Variants in GORASP2 observed in about 807,000 individuals in gnomAD.
GORASP2 encodes golgi reassembly stacking protein 2.
A neutral mutation model predicts 45.7 loss-of-function variants in GORASP2; 22 were observed. The observed-to-expected ratio is 0.48, with a 90% CI of 0.34 to 0.69. The LOEUF (loss-of-function observed/expected upper bound fraction) is 0.69, where lower values mean the gene tolerates loss of function less well. Among genes scored for constraint, GORASP2 ranks in the 30% least tolerant of loss-of-function variants. The pLI is 0.01. For synonymous variants in GORASP2, 221 were observed against 215.6 expected (o/e 1.02, Z -0.22); for missense variants, 491 against 562.7 (o/e 0.87, Z 1.29).
At chr2:170,930,816 C>G (rs1703805117) in intron 1 of GORASP2, among the ~76,000 whole-genome samples, 1 of 152,100 alleles carries the variant, frequency 6.6e-6, no homozygotes, top group Non-Finnish European at 1.5e-5. Flanking sequence ...TTTCTATTAT[C>G]TGGTCTGATT....
At chr2:170,929,229 C>G (rs1302483039), upstream of GORASP2, 1 of 815,896 alleles carries the variant, frequency 1.2e-6, no homozygotes, top group Non-Finnish European at 1.7e-6. Context: ...CCCGGCTCTC[C>G]GGCGGCAGCG....
chr2:170,934,461 T>A (rs1703898591), intron 1 of GORASP2, among the ~76,000 whole-genome samples: 1 of 151,962 alleles, frequency 6.6e-6, no homozygotes, highest in Non-Finnish European at 1.5e-5. Flanking sequence ...GGTTTCACCA[T>A]GTTGGCCAGG....
chr2:170,939,863 C>T (rs1704033257), intron 1 of GORASP2, among the ~76,000 whole-genome samples: 1 of 152,178 alleles, frequency 6.6e-6, no homozygotes, highest in Non-Finnish European at 1.5e-5. Flanking sequence ...TCATTTTGAT[C>T]ACCTACGCAC....
At chr2:170,953,904 A>G (rs1704361086) in intron 5 of GORASP2, 2 of 152,258 alleles carry the variant, frequency 1.3e-5, no homozygotes, top group South Asian at 2.1e-4. Flanking sequence ...GGCTTTGACC[A>G]TGAGCCATTC....
At chr2:170,956,635 A>G in intron 7 of GORASP2, 76 bp downstream of exon 7, 2 of 1,297,830 alleles carry the variant, frequency 1.5e-6, no homozygotes, top group East Asian at 2.4e-5. Context: ...AATTGACCAG[A>G]CACAGTGGCT....
At chr2:170,935,398 G>A (rs959364022) in intron 1 of GORASP2, among the ~76,000 whole-genome samples, 13 of 151,856 alleles carry the variant, frequency 8.6e-5, no homozygotes, top group African/African-American at 3.1e-4. Flanking sequence ...GGGATTATAG[G>A]CACCCACCAC....
At chr2:170,929,476 A>G (rs1703760069) in intron 1 of GORASP2, 73 bp downstream of exon 1, 4 of 1,147,302 alleles carry the variant, frequency 3.5e-6, no homozygotes, top group South Asian at 2.2e-5. Flanking sequence ...GGAGGCCCCC[A>G]TGGGCTCCTT....
chr2:170,929,835 C>A (rs1307539854), intron 1 of GORASP2: 1 of 463,794 alleles, frequency 2.2e-6, no homozygotes, highest in Admixed American at 2.4e-5. Flanking sequence ...TCCGGACCCG[C>A]AGTCCGGAGG....
At position 170,962,913 on chromosome 2, in the gene GORASP2, C is replaced by T; in HGVS notation, c.985C>T (p.Pro329Ser). 6.2e-7 allele frequency: 1 copy of T among 1,613,920 alleles called. No individual in the cohort carries two copies. The highest frequency in any genetic ancestry group is 1.1e-5 in the South Asian group (1 of 91,074). ...NLNLPAPHIM[P>S]GVGLPELVNP... ...CAACCTCCCAGCACCACACATCATG[C>T]CAGGGGTTGGCTTACCAGAACTTGT... is the stretch of plus-strand genomic sequence containing the variant. Residue 329 changes from proline to serine, a missense_variant, in exon 9 of 10, where the codon CCA becomes TCA. Physicochemically the swap from Pro to Ser is moderately conservative, Grantham distance 74. Around this residue, in one of 2 missense-constraint regions of GORASP2, gnomAD observed 297 missense variants for 292.3 expected, o/e 1.02. Coordinates refer to ENST00000234160, the MANE Select transcript of GORASP2 (RefSeq NM_015530.5).
chr2:170,935,196 A>G (rs1015957443), intron 1 of GORASP2, among the ~76,000 whole-genome samples: 1 of 152,226 alleles, frequency 6.6e-6, no homozygotes, highest in Non-Finnish European at 1.5e-5. Context: ...ATCATTGAAC[A>G]TAAACTTTTT....
At chr2:170,948,500 C>A in intron 2 of GORASP2, 70 bp downstream of exon 2, 1 of 782,428 alleles carries the variant, frequency 1.3e-6, no homozygotes, top group Non-Finnish European at 2.2e-6. Flanking sequence ...TTTCAGATGA[C>A]CTGAGATGGG....
At chr2:170,963,470 T>TCCCCCC (rs1251788180) in intron 9 of GORASP2, among the ~76,000 whole-genome samples, 110 of 66,492 alleles carry the variant, frequency 1.7e-3, no homozygotes, top group African/African-American at 6.5e-3. Flanking sequence ...CTCCTCCTCC[T>TCCCCCC]CCCCCTCCTC....
chr2:170,934,344 G>A (rs1398155901), intron 1 of GORASP2, among the ~76,000 whole-genome samples: 1 of 150,898 alleles, frequency 6.6e-6, no homozygotes, highest in Non-Finnish European at 1.5e-5. Context: ...GGCGCATCTC[G>A]GCTCACTGCA....
At chr2:170,958,186 A>C (rs920791475) in intron 7 of GORASP2, among the ~76,000 whole-genome samples, 1 of 152,190 alleles carries the variant, frequency 6.6e-6, no homozygotes, top group African/African-American at 2.4e-5. Context: ...AAGAGCTGGA[A>C]TTGTATAATG....
intron 6 of GORASP2, 144 bp downstream of exon 6, chr2:170,954,926 G>C: frequency 1.6e-6 from 1 of 613,506 alleles, no homozygotes; most frequent in Non-Finnish European, 2.8e-6. Context: ...TGAGGTTCCT[G>C]TAAAATACCT....
chr2:170,957,169 A>G (rs577298677), intron 7 of GORASP2, among the ~76,000 whole-genome samples: 2 of 152,334 alleles, frequency 1.3e-5, no homozygotes, highest in East Asian at 3.9e-4. Flanking sequence ...TGGTTACTCA[A>G]CACGTTTGCG....
At chr2:170,958,265 T>G (rs913897660) in intron 7 of GORASP2, among the ~76,000 whole-genome samples, 3 of 152,226 alleles carry the variant, frequency 2.0e-5, no homozygotes, top group African/African-American at 7.2e-5. Context: ...CTTTGCTGGT[T>G]TTCTTTTTTT....
chr2:170,943,303 A>C (rs529648336), intron 1 of GORASP2, among the ~76,000 whole-genome samples: 1 of 152,238 alleles, frequency 6.6e-6, no homozygotes, highest in Non-Finnish European at 1.5e-5. Context: ...TTTTCTTTTT[A>C]AGAGTAAAAG....
chr2:170,945,411 A>C (rs1032009497), intron 1 of GORASP2, among the ~76,000 whole-genome samples: 1 of 151,704 alleles, frequency 6.6e-6, no homozygotes, highest in Non-Finnish European at 1.5e-5. Context: ...ATGGTGGTGC[A>C]CACGTGTCCC....
Sources: gnomAD v4.1 joint callset for allele counts (sites outside exome capture counted in the v4.1 genomes callset) on GRCh38, gnomAD v4.1.1 for gene constraint, gnomAD v4.1.1 regional missense constraint, MANE v1.5 for transcripts, NCBI Gene and HGNC (gene_info 2026-07-23, HGNC 2026-07-21) for gene names.